The following SLC15A3 variants were observed in gnomAD, a reference collection of about 807,000 sequenced individuals.
SLC15A3 encodes the protein osteoclast transporter.
Under a neutral mutation model 49.2 loss-of-function variants are expected in SLC15A3, and 39 were observed. That is an observed-to-expected ratio of 0.79 (90% CI 0.61 to 1.04). The LOEUF (loss-of-function observed/expected upper bound fraction) is 1.04, where lower values mean the gene tolerates loss of function less well. Ranked by LOEUF, SLC15A3 falls within the 50% of genes least tolerant of loss-of-function variation. The pLI, the probability that SLC15A3 is intolerant of heterozygous loss-of-function variation, is 0.00. For synonymous variants in SLC15A3, 339 were observed against 367.0 expected (o/e 0.92, Z 0.87); for missense variants, 758 against 794.8 (o/e 0.95, Z 0.56).
rs1028791806 is a variant in SLC15A3, at chr11:60,937,431, G to A, written c.1592-58C>T. 4 of 1,603,904 alleles carry A rather than the reference G, an allele frequency of 2.5e-6. No individual in the cohort carries two copies. The African/African-American group carries it at 5.3e-5, about 21-fold the overall frequency. On this transcript the variant is annotated intron_variant, in intron 7 of 7. Coordinates refer to ENST00000227880, the MANE Select transcript of SLC15A3 (RefSeq NM_016582.3). Reference sequence around the variant, plus strand: ...ACAGGGATCCTCTGTCTTGCGCCCTGTGCCTGCCGTGTCCTAGCCCTGGGG... The same window carrying A: ...ACAGGGATCCTCTGTCTTGCGCCCTATGCCTGCCGTGTCCTAGCCCTGGGG...
chr11:60,951,847 TA>T lies in SLC15A3; in HGVS notation c.-297del, dbSNP rs1456092693. 1 of 159,136 alleles carries T rather than the reference TA, an allele frequency of 6.3e-6. No individual in the cohort carries two copies. The highest frequency in any genetic ancestry group is 1.3e-5 in the Non-Finnish European group (1 of 74,754). The allele number at this position is 159,136 out of a possible 1,614,324, so 9.9% of individuals were successfully genotyped here. A position where few individuals can be genotyped will look rare whatever the true frequency, so the allele number is the denominator to read the frequency against. ...CGCCTCTCCTGCAGCTGTTTCTCCCTAACTCTCCCCTCTCCTCCCTCCACCT... is the reference window on the plus strand; with the variant it reads ...CGCCTCTCCTGCAGCTGTTTCTCCCTACTCTCCCCTCTCCTCCCTCCACCT... On this transcript the variant is annotated 5_prime_UTR_variant, in exon 1 of 8. Coordinates refer to ENST00000227880, the MANE Select transcript of SLC15A3 (RefSeq NM_016582.3).
chr11:60,940,912 C>T (rs1388087259), intron 5 of SLC15A3: 2 of 459,894 alleles, frequency 4.3e-6, no homozygotes, highest in African/African-American at 2.0e-5. Context: ...TTGTTCCTCT[C>T]TCGGCCTGAG....
chr11:60,942,759 G>A (rs932768879), intron 3 of SLC15A3: 7 of 152,416 alleles, frequency 4.6e-5, no homozygotes, highest in African/African-American at 1.7e-4. Flanking sequence ...TATCTGATTG[G>A]TATGACTGAG....
At chr11:60,943,252 C>G (rs1427632273) in intron 3 of SLC15A3, 1 of 152,992 alleles carries the variant, frequency 6.5e-6, no homozygotes, top group Non-Finnish European at 1.5e-5. Context: ...CCTGACCTGC[C>G]TGCCGTGGGG....
chr11:60,938,122 G>T (rs1034313788), intron 6 of SLC15A3, 97 bp from the exon 7 acceptor site: 2 of 1,429,806 alleles, frequency 1.4e-6, no homozygotes, highest in Non-Finnish European at 1.9e-6. Context: ...CCCCCACCAA[G>T]CCACCCTCCA....
rs776906617 is a variant in SLC15A3 at position 60,937,385 on chromosome 11, A to C, written c.1592-12T>G. 2.5e-6 allele frequency: 4 copies of C among 1,613,916 alleles called. No homozygotes were observed. In the South Asian group the frequency reaches 3.3e-5, roughly 13 times the overall value. On this transcript the variant is annotated splice_polypyrimidine_tract_variant and intron_variant, in intron 7 of 7. Transcript: ENST00000227880. Reference sequence around the variant, plus strand: ...ATTGTTGATGTTCCCTGGGGAAAGGAGGGGTTAGATTTGGGTCAGGACAGG... The same window carrying C: ...ATTGTTGATGTTCCCTGGGGAAAGGCGGGGTTAGATTTGGGTCAGGACAGG...
chr11:60,941,429 G>A, intron 4 of SLC15A3, 139 bp from the exon 5 acceptor site: 1 of 803,920 alleles, frequency 1.2e-6, no homozygotes, highest in Non-Finnish European at 1.9e-6. Context: ...ATGCTCCTCA[G>A]CTGTGTAACC....
At chr11:60,937,726 G>C in intron 7 of SLC15A3, 144 bp downstream of exon 7, 2 of 1,145,828 alleles carry the variant, frequency 1.7e-6, no homozygotes, top group Non-Finnish European at 2.4e-6. Context: ...GTGGGTGACT[G>C]GCCAAGCCCG....
At chr11:60,947,401 G>A (rs1056290529) in intron 1 of SLC15A3, among the ~76,000 whole-genome samples, 3 of 152,096 alleles carry the variant, frequency 2.0e-5, no homozygotes, top group Admixed American at 6.5e-5. Flanking sequence ...GGATGGTCTC[G>A]ATCTCCTGAC....
Position 60,951,370 on chromosome 11 carries a change from T to C in SLC15A3, c.182A>G (p.Asn61Ser). The change falls in exon 1 of 8, where the codon AAC becomes AGC. Residue 61 changes from asparagine (N) to serine (S), a missense_variant. Transcript: ENST00000227880. ...GVTANLVLYL[N>S]STNFNWTGEQ... ...GCCGGTCCAGTTGAAGTTGGTGCTG[T>C]TGAGGTACAGCACGAGGTTGGCGGT... 6.4e-7 allele frequency: 1 copy of C among 1,557,774 alleles called. No homozygotes were observed. Among genetic ancestry groups the C allele is most frequent in the Non-Finnish European group, 8.6e-7 (1 of 1,156,876 alleles).
At chr11:60,944,638 C>T (rs903009208) in intron 2 of SLC15A3, among the ~76,000 whole-genome samples, 1 of 152,086 alleles carries the variant, frequency 6.6e-6, no homozygotes, top group East Asian at 1.9e-4. Context: ...CCAGGGGAGT[C>T]CCAGTCCAAG....
chr11:60,941,804 C>A lies in SLC15A3; in HGVS notation c.1107+231G>T. The stretch of plus-strand genomic sequence containing the variant: ...TTAGGCAGCGAGACCTGCTTCAGAG[C>A]AGCAGCATGGGGGTGTGCAGCTGGC... On this transcript the variant is annotated intron_variant, in intron 4 of 7. Transcript: ENST00000227880. The A allele has an allele frequency of 2.3e-5, 12 of 514,374 alleles. No homozygotes were observed. The South Asian group carries it at 2.4e-4, about 10-fold the overall frequency. 31.9% of individuals were successfully genotyped at this position (514,374 alleles called of 1,614,324 possible).
At position 60,941,011 on chromosome 11, in the gene SLC15A3, A is replaced by C. The variant is rs945984834; in HGVS notation, c.1276+111T>G. 5.6e-6 allele frequency: 7 copies of C among 1,258,502 alleles called. No homozygotes were observed. The African/African-American group carries it at 9.1e-5, about 16-fold the overall frequency. 78.0% of individuals were successfully genotyped at this position (1,258,502 alleles called of 1,614,324 possible). On this transcript the variant is annotated intron_variant, in intron 5 of 7. Coordinates refer to ENST00000227880, the MANE Select transcript of SLC15A3 (RefSeq NM_016582.3). ...CTCTGGGAAGCCAACACTGACGCCC[A>C]CTGGGAGAGGCTGAACTTGGTCCAG... is the stretch of plus-strand genomic sequence containing the variant.
chr11:60,943,595 T>C, intron 3 of SLC15A3, 94 bp downstream of exon 3: 4 of 1,290,510 alleles, frequency 3.1e-6, no homozygotes, highest in Non-Finnish European at 4.0e-6. Flanking sequence ...TTTCCCCCTT[T>C]CCACATGCCC....
chr11:60,940,961 T>TA, intron 5 of SLC15A3, 161 bp downstream of exon 5: 1 of 656,322 alleles, frequency 1.5e-6, no homozygotes, highest in East Asian at 3.1e-5. Flanking sequence ...CTGGATTAGA[T>TA]AGGAGGGTCT....
At chr11:60,941,399 C>CT in intron 4 of SLC15A3, 109 bp from the exon 5 acceptor site, 2 of 1,133,250 alleles carry the variant, frequency 1.8e-6, no homozygotes, top group Non-Finnish European at 2.5e-6. Flanking sequence ...GGGTCCAGCT[C>CT]CTTTCCCTCT....
chr11:60,945,203 G>A (rs372135097), intron 2 of SLC15A3, among the ~76,000 whole-genome samples: 16 of 152,210 alleles, frequency 1.1e-4, no homozygotes, highest in African/African-American at 2.9e-4. Flanking sequence ...ACCCTCACAC[G>A]ACGCTGTGAG....
At chr11:60,942,439 A>G (rs1856727008) in intron 3 of SLC15A3, 1 of 282,328 alleles carries the variant, frequency 3.5e-6, no homozygotes, top group Non-Finnish European at 6.9e-6. Flanking sequence ...CAGGGTAAGC[A>G]TGGATAAATG....
At chr11:60,942,402 T>G in intron 3 of SLC15A3, 1 of 408,244 alleles carries the variant, frequency 2.4e-6, no homozygotes, top group Admixed American at 3.7e-5. Context: ...CTGGTCTGAC[T>G]AGTATTTGTG....
Sources: gnomAD v4.1 joint callset for allele counts (sites outside exome capture counted in the v4.1 genomes callset) on GRCh38, gnomAD v4.1.1 for gene constraint, MANE v1.5 for transcripts, NCBI Gene and HGNC (gene_info 2026-07-23, HGNC 2026-07-21) for gene names.